The following TAF1 variants were observed in gnomAD, a reference collection of about 807,000 sequenced individuals.
TAF1 encodes transcription initiation factor TFIID subunit 1.
TAF1 carries 2 observed loss-of-function variants against 138.5 expected under a neutral mutation model. The observed-to-expected ratio is 0.01, with a 90% CI of 0.01 to 0.05. The LOEUF (loss-of-function observed/expected upper bound fraction) is 0.05. TAF1 is among the 10% of genes least tolerant of loss of function. The pLI is 1.00. For missense variants in TAF1, 709 were observed against 1,478.0 expected (o/e 0.48, Z 8.53); for synonymous variants, 437 against 503.2 (o/e 0.87, Z 1.76).
intron 14 of TAF1, chrX:71,529,537 G>A (rs192340960): frequency 1.8e-4 from 43 of 242,096 alleles, no homozygotes; most frequent in Non-Finnish European, 2.8e-4. Flanking sequence ...TGGGAGAACT[G>A]TCCAGACAAT....
chrX:71,379,201 C>T (rs1297320476), intron 8 of TAF1, among the ~76,000 whole-genome samples, 170 bp downstream of exon 8: 3 of 105,314 alleles, frequency 2.8e-5, no homozygotes, highest in Admixed American at 1.0e-4. Context: ...CTGCAACCTC[C>T]GCCTCCCCAG....
intron 13 of TAF1, among the ~76,000 whole-genome samples, chrX:71,500,538 G>GC (rs2039482794): frequency 2.4e-5 from 1 of 42,042 alleles, no homozygotes. Context: ...CCCCCACCCC[G>GC]CCCCCACCCC....
At chrX:71,409,013 CAAA>C (rs774464156) in intron 28 of TAF1, among the ~76,000 whole-genome samples, 5 of 55,364 alleles carry the variant, frequency 9.0e-5, no homozygotes, top group East Asian at 5.4e-4. Context: ...GACTCCGTCT[CAAA>C]AAAAAAAAAA....
chrX:71,528,773 G>A (rs764671337), intron 14 of TAF1: 15 of 281,391 alleles, frequency 5.3e-5, no homozygotes, highest in South Asian at 4.6e-4. Context: ...AAGAGTGAGC[G>A]GCAGCAAGAT....
chrX:71,421,206 A>G, intron 28 of TAF1, 103 bp from the exon 29 acceptor site: 1 of 709,210 alleles, frequency 1.4e-6, no homozygotes, highest in Non-Finnish European at 2.2e-6. Context: ...CTGGTGCCTG[A>G]CACATTTTAG....
chrX:71,423,886 T>A (rs1389046115), intron 30 of TAF1, 88 bp from the exon 31 acceptor site: 2 of 721,963 alleles, frequency 2.8e-6, no homozygotes, highest in Non-Finnish European at 4.1e-6. Flanking sequence ...ATAGCTTTTT[T>A]TAGGAATATT....
intron 14 of TAF1, 53 bp downstream of exon 14, chrX:71,385,102 G>A (rs1369635697): frequency 1.1e-6 from 1 of 932,755 alleles, no homozygotes; most frequent in African/African-American, 1.9e-5. Flanking sequence ...GATAAATGAG[G>A]AACCAGTCAG....
At chrX:71,417,976 C>G (rs1041220549) in intron 28 of TAF1, among the ~76,000 whole-genome samples, 2 of 112,195 alleles carry the variant, frequency 1.8e-5, no homozygotes, top group African/African-American at 6.5e-5. Context: ...TATGGTCAAT[C>G]TAGTATATAT....
chrX:71,383,229 A>T, intron 12 of TAF1, 65 bp downstream of exon 12: 1 of 1,098,614 alleles, frequency 9.1e-7, no homozygotes, highest in Non-Finnish European at 1.2e-6. Context: ...AAGGGAATGT[A>T]CCAGGTATTA....
At chrX:71,417,801 G>T (rs1371650490) in intron 28 of TAF1, among the ~76,000 whole-genome samples, 1 of 111,588 alleles carries the variant, frequency 9.0e-6, no homozygotes, top group Non-Finnish European at 1.9e-5. Context: ...AGGAGCATCT[G>T]TATCTCATAT....
chrX:71,366,862 A>G (rs1194060850), intron 1 of TAF1, among the ~76,000 whole-genome samples: 1 of 111,150 alleles, frequency 9.0e-6, no homozygotes, highest in African/African-American at 3.3e-5. Context: ...CTGCCCTGAG[A>G]TGGCTCTATA....
At position 71,511,741 on chromosome X, in the gene TAF1, C is replaced by T. The variant is rs147411619; in HGVS notation, c.1367-16801C>T. 1.4e-3 allele frequency among the ~76,000 whole-genome samples: 155 copies of T among 111,968 alleles called. 1 individual carries two copies. Among genetic ancestry groups the T allele is most frequent in the African/African-American group, 4.8e-3 (148 of 30,798 alleles). Reference sequence around the variant, plus strand: ...TATTAATAAAGAACTTTTGGCTGGGCGCAGTGGCTCATGCCTGTGATCCCG... The same window carrying T: ...TATTAATAAAGAACTTTTGGCTGGGTGCAGTGGCTCATGCCTGTGATCCCG... On this transcript the variant is annotated intron_variant and NMD_transcript_variant, in intron 13 of 14. Coordinates refer to the TAF1 transcript ENST00000373775.
At chrX:71,486,232 G>A (rs1436182536) in intron 13 of TAF1, among the ~76,000 whole-genome samples, 1 of 110,973 alleles carries the variant, frequency 9.0e-6, no homozygotes, top group Non-Finnish European at 1.9e-5. Flanking sequence ...CTGTAGAGGC[G>A]CGAAATCTAT....
intron 32 of TAF1, among the ~76,000 whole-genome samples, chrX:71,442,549 T>C (rs1187881484): frequency 1.8e-5 from 2 of 112,343 alleles, no homozygotes; most frequent in Non-Finnish European, 3.8e-5. Context: ...TTTTTGTAGA[T>C]TCTGGATATT....
chrX:71,526,989 C>T lies in TAF1; in HGVS notation c.1367-1553C>T, dbSNP rs186246029. On this transcript the variant is annotated intron_variant and NMD_transcript_variant, in intron 13 of 14. Transcript: ENST00000373775. ...TCCAGGATCCTCCCACTGCGATCCT[C>T]CTACCACACACCACCATGCCCTGTG... 2.8e-3 allele frequency among the ~76,000 whole-genome samples: 302 copies of T among 107,496 alleles called. 1 individual carries two copies. The highest frequency in any genetic ancestry group is 6.1e-3 in the Admixed American group (61 of 10,051). 93.3% of individuals were successfully genotyped at this position (107,496 alleles called of 115,157 possible). A position where few individuals can be genotyped will look rare whatever the true frequency, so the allele number is the denominator to read the frequency against.
chrX:71,526,682 G>A (rs2040002566), intron 13 of TAF1, among the ~76,000 whole-genome samples: 1 of 111,458 alleles, frequency 9.0e-6, no homozygotes, highest in Non-Finnish European at 1.9e-5. Context: ...GTAATCTAAT[G>A]TACAAGGTAT....
At chrX:71,488,791 A>G (rs964920955) in intron 13 of TAF1, among the ~76,000 whole-genome samples, 4 of 110,368 alleles carry the variant, frequency 3.6e-5, no homozygotes, top group Non-Finnish European at 7.6e-5. Context: ...CTTGTGCTGG[A>G]CACGGTGGCT....
At chrX:71,430,377 C>A (rs187237060) in intron 32 of TAF1, among the ~76,000 whole-genome samples, 2,311 of 97,479 alleles carry the variant, frequency 0.024, 177 homozygotes, top group Admixed American at 0.18. Context: ...GAGCGAGACT[C>A]CGTCTCACAA....
At position 71,465,740 on chromosome X, in the gene TAF1, C is replaced by T. The variant is rs1024687502; in HGVS notation, c.*1694C>T. Reference sequence around the variant, plus strand: ...TGAATGAAGAAAGAAATTGAAGAATCATGTAACATATGTGATCGCATTTTT... The same window carrying T: ...TGAATGAAGAAAGAAATTGAAGAATTATGTAACATATGTGATCGCATTTTT... On this transcript the variant is annotated 3_prime_UTR_variant, in exon 38 of 38. Transcript: ENST00000423759. 2 of 111,789 alleles carry T rather than the reference C, an allele frequency of 1.8e-5. No homozygotes were observed. Among genetic ancestry groups the T allele is most frequent in the African/African-American group, 3.3e-5 (1 of 30,754 alleles). 9.2% of individuals were successfully genotyped at this position (111,789 alleles called of 1,213,427 possible).
Sources: gnomAD v4.1 joint callset for allele counts (sites outside exome capture counted in the v4.1 genomes callset) on GRCh38, gnomAD v4.1.1 for gene constraint, MANE v1.5 for transcripts, NCBI Gene and HGNC (gene_info 2026-07-23, HGNC 2026-07-21) for gene names.